Variants in IFI27 observed in about 807,000 individuals in gnomAD.
IFI27 encodes the protein interferon alpha inducible protein 27.
A neutral mutation model predicts 8.9 loss-of-function variants in IFI27; 3 were observed. That is an observed-to-expected ratio of 0.34 (90% CI 0.15 to 0.87). The LOEUF (loss-of-function observed/expected upper bound fraction) is 0.87. Among genes scored for constraint, IFI27 ranks in the 40% least tolerant of loss-of-function variants. The pLI, the probability that IFI27 is intolerant of heterozygous loss-of-function variation, is 0.51. For missense variants in IFI27, 152 were observed against 157.7 expected (o/e 0.96, Z 0.19); for synonymous variants, 66 against 67.3 (o/e 0.98, Z 0.09).
chr14:94,111,761 G>A lies in IFI27; in HGVS notation c.79G>A (p.Val27Ile). 6.2e-7 allele frequency: 1 copy of A among 1,614,082 alleles called. No homozygotes were observed. The highest frequency in any genetic ancestry group is 1.1e-5 in the South Asian group (1 of 91,078). ...CAGGGTGGCCTCTGGCTCTGCCGTA[G>A]TTTTGCCCCTGGGTGAGTGTTCCTG... The change falls in exon 2 of 5, where the codon GTT (valine) becomes ATT (isoleucine). Residue 27 changes from valine (V) to isoleucine (I), a missense_variant. Transcript: ENST00000621160. This position sits in a 1 kb window ranked among gnomAD's most constrained non-coding sequence, Gnocchi z 4.3.
At chr14:94,110,454 C>CTT (rs1208544920), upstream of IFI27, among the ~76,000 whole-genome samples, 2 of 152,190 alleles carry the variant, frequency 1.3e-5, no homozygotes, top group African/African-American at 2.4e-5. Context: ...TATTATAGAA[C>CTT]TTTGATCTTA....
Position 94,116,609 on chromosome 14 carries a change from C to A in IFI27, c.*82C>A. The stretch of plus-strand genomic sequence containing the variant: ...CCATCCTGACCCAGCGAGGAGCCAA[C>A]TATCCCAAATATACCTGGGGTGAAA... On this transcript the variant is annotated 3_prime_UTR_variant, in exon 5 of 5. Coordinates refer to ENST00000621160, the Ensembl canonical transcript of IFI27. The surrounding 1 kb of genome is among the most constrained non-coding windows in gnomAD (Gnocchi z 4.3). 9.9e-7 allele frequency: 1 copy of A among 1,010,830 alleles called. No homozygotes were observed. The highest frequency in any genetic ancestry group is 1.5e-6 in the Non-Finnish European group (1 of 651,322). The allele number at this position is 1,010,830 out of a possible 1,614,324, so 62.6% of individuals were successfully genotyped here.
At chr14:94,107,416 G>A (rs1429108577), upstream of IFI27, among the ~76,000 whole-genome samples, 1 of 152,142 alleles carries the variant, frequency 6.6e-6, no homozygotes, top group Non-Finnish European at 1.5e-5. Context: ...TTGTTGAGTT[G>A]TAGCATTTTT....
chr14:94,110,841 C>T (rs74617881), intron 1 of IFI27, 44 bp downstream of exon 1: 1,814 of 153,808 alleles, frequency 0.012, 16 homozygotes, highest in Non-Finnish European at 0.015. Flanking sequence ...CCCGTGGCCC[C>T]GGACCTTGGG....
chr14:94,115,167 T>C (rs543036102), intron 3 of IFI27: 8 of 652,472 alleles, frequency 1.2e-5, no homozygotes, highest in South Asian at 9.8e-5. Flanking sequence ...TGAGCATGTC[T>C]TTGAACTCCT....
upstream of IFI27, among the ~76,000 whole-genome samples, chr14:94,107,426 T>G (rs141972699): frequency 1.6e-4 from 24 of 152,342 alleles, no homozygotes; most frequent in East Asian, 3.7e-3. Context: ...GTAGCATTTT[T>G]TGGTATACTC....
intron 2 of IFI27, chr14:94,113,022 C>T (rs112572741): frequency 6.6e-6 from 1 of 152,350 alleles, no homozygotes; most frequent in African/African-American, 2.4e-5. Flanking sequence ...AGTCACTTAC[C>T]CTAGCACTTG....
chr14:94,116,103 G>A lies in IFI27; in HGVS notation c.283+161G>A, dbSNP rs1184972100. 2 of 886,822 alleles carry A rather than the reference G, an allele frequency of 2.3e-6. No homozygotes were observed. Among genetic ancestry groups the A allele is most frequent in the Non-Finnish European group, 3.6e-6 (2 of 553,934 alleles). The allele number at this position is 886,822 out of a possible 1,614,324, so 54.9% of individuals were successfully genotyped here. On this transcript the variant is annotated intron_variant, in intron 4 of 4. Coordinates refer to ENST00000621160, the Ensembl canonical transcript of IFI27. This position sits in a 1 kb window ranked among gnomAD's most constrained non-coding sequence, Gnocchi z 4.3. Reference sequence around the variant, plus strand: ...TCTCTGAGGGAGATGGAGGAGGGAGGGAAGGAGCCCAAGCCAGGAACAGTG... The same window carrying A: ...TCTCTGAGGGAGATGGAGGAGGGAGAGAAGGAGCCCAAGCCAGGAACAGTG...
In IFI27 at chr14:94,116,624, C is replaced by T. The variant is rs1887428644; in HGVS notation, c.*97C>T. 1 of 849,590 alleles carries T rather than the reference C, an allele frequency of 1.2e-6. No homozygotes were observed. The highest frequency in any genetic ancestry group is 1.4e-5 in the South Asian group (1 of 69,566). The allele number at this position is 849,590 out of a possible 1,614,324, so 52.6% of individuals were successfully genotyped here. A position where few individuals can be genotyped will look rare whatever the true frequency, so the allele number is the denominator to read the frequency against. ...GAGGAGCCAACTATCCCAAATATACCTGGGGTGAAATATACCAAATTCTGC... is the reference window on the plus strand; with the variant it reads ...GAGGAGCCAACTATCCCAAATATACTTGGGGTGAAATATACCAAATTCTGC... On this transcript the variant is annotated 3_prime_UTR_variant, in exon 5 of 5. Coordinates refer to ENST00000621160, the Ensembl canonical transcript of IFI27. This position sits in a 1 kb window ranked among gnomAD's most constrained non-coding sequence, Gnocchi z 4.3.
chr14:94,115,967 G>C (rs1373992904), intron 4 of IFI27, 25 bp downstream of exon 4: 1 of 1,554,946 alleles, frequency 6.4e-7, no homozygotes, highest in East Asian at 2.4e-5. Flanking sequence ...GGGGCTTGCT[G>C]GGGAGGGCGA....
intron 2 of IFI27, chr14:94,113,012 A>T (rs1403575466): frequency 6.6e-6 from 1 of 152,258 alleles, no homozygotes; most frequent in Non-Finnish European, 1.5e-5. Flanking sequence ...TTTATGTTCT[A>T]GTCACTTACC....
intron 3 of IFI27, 126 bp from the exon 4 acceptor site, chr14:94,115,655 A>T: frequency 1.0e-6 from 1 of 981,234 alleles, no homozygotes; most frequent in Non-Finnish European, 1.5e-6. Flanking sequence ...GGCCGTGCCC[A>T]TAGTCTCTCC....
upstream of IFI27, among the ~76,000 whole-genome samples, chr14:94,107,275 C>T (rs189059657): frequency 1.3e-5 from 2 of 152,078 alleles, no homozygotes; most frequent in African/African-American, 4.8e-5. Context: ...TTCACCATGT[C>T]GGTCAGGCTG....
chr14:94,115,911 G>A (rs777548394), exon 4 of IFI27: 7 of 1,591,162 alleles, frequency 4.4e-6, no homozygotes, highest in East Asian at 2.3e-5. Context: ...GAGTTGCCTC[G>A]GGCAGCCTTG....
At chr14:94,114,036 T>G (rs1439239109) in intron 2 of IFI27, 1 of 152,356 alleles carries the variant, frequency 6.6e-6, no homozygotes, top group African/African-American at 2.4e-5. Context: ...ATCATGTATA[T>G]CCAGTGCTGT....
In IFI27 at chr14:94,114,887, CTG is replaced by C. The variant is rs1224219424; in HGVS notation, c.121+10_121+11del. The C allele has an allele frequency of 8.1e-6, 13 of 1,614,050 alleles. No homozygotes were observed. Among genetic ancestry groups the C allele is most frequent in the African/African-American group, 1.3e-5 (1 of 75,042 alleles). On this transcript the variant is annotated splice_region_variant and intron_variant, in intron 3 of 4. Transcript: ENST00000621160. ...ACAGTTGTGATTGGAGGAGGTGAGT[CTG>C]TGGGGAAGGGGCTCAAGTAACCACC...
At chr14:94,112,403 C>T (rs777009564) in intron 2 of IFI27, among the ~76,000 whole-genome samples, 2 of 152,148 alleles carry the variant, frequency 1.3e-5, no homozygotes, top group Non-Finnish European at 2.9e-5. Context: ...CTGTAGATCC[C>T]ATTCTATTGC....
Position 94,114,939 on chromosome 14 carries a change from G to T in IFI27, c.121+59G>T, listed in dbSNP as rs2239645. The T allele has an allele frequency of 3.3e-6, 5 of 1,524,158 alleles. No homozygotes were observed. In the African/African-American group the frequency reaches 5.5e-5, roughly 17 times the overall value. The allele number at this position is 1,524,158 out of a possible 1,614,324, so 94.4% of individuals were successfully genotyped here. ...CTGCCCCTAGGGAGGTGGACTTGGG[G>T]AGCAGCTGGCCTTGTCCATGCCAAT... On this transcript the variant is annotated intron_variant, in intron 3 of 4. Transcript: ENST00000621160.
upstream of IFI27, among the ~76,000 whole-genome samples, chr14:94,110,240 A>G (rs1482368404): frequency 6.6e-6 from 1 of 152,152 alleles, no homozygotes; most frequent in Non-Finnish European, 1.5e-5. Flanking sequence ...TATTATGTTT[A>G]GTTTGCCCCC....
Sources: allele counts gnomAD v4.1 joint callset (sites outside exome capture counted in the v4.1 genomes callset), GRCh38; gene constraint gnomAD v4.1.1; non-coding constraint Gnocchi (gnomAD v3.1); transcripts MANE v1.5; gene names NCBI Gene and HGNC (gene_info 2026-07-23, HGNC 2026-07-21).